NHEJ1: variants seen among roughly 807,000 people sequenced by gnomAD.
The protein encoded by NHEJ1 is non-homologous end joining factor 1, also known as non-homologous end-joining factor 1.
A neutral mutation model predicts 39.4 loss-of-function variants in NHEJ1; 22 were observed. The ratio of observed to expected loss-of-function variants is 0.56; its 90% CI spans 0.40 to 0.80. NHEJ1 has a LOEUF of 0.80. Among genes scored for constraint, NHEJ1 ranks in the 30% least tolerant of loss-of-function variants. The pLI is 0.00. For missense variants in NHEJ1, 329 were observed against 357.1 expected (o/e 0.92, Z 0.63); for synonymous variants, 154 against 135.6 (o/e 1.14, Z -0.94).
At chr2:219,144,925 C>A (rs1302637186) in intron 5 of NHEJ1, among the ~76,000 whole-genome samples, 1 of 152,064 alleles carries the variant, frequency 6.6e-6, no homozygotes, top group Non-Finnish European at 1.5e-5. Context: ...AACTTGAAAC[C>A]TTTTCTAGGC....
intron 5 of NHEJ1, among the ~76,000 whole-genome samples, chr2:219,096,581 A>G (rs1004747047): frequency 2.0e-5 from 3 of 152,222 alleles, no homozygotes; most frequent in Admixed American, 6.5e-5. Context: ...AGGATTGGGA[A>G]TGTAGGGATG....
chr2:219,088,711 TG>T (rs933639151), intron 5 of NHEJ1, among the ~76,000 whole-genome samples: 7 of 152,198 alleles, frequency 4.6e-5, no homozygotes, highest in African/African-American at 1.7e-4. Context: ...GCTCTTGATT[TG>T]GGTGCTGGTT....
chr2:219,147,703 G>C lies in NHEJ1; in HGVS notation c.483C>G (p.Asp161Glu). 1 of 1,614,174 alleles carries C rather than the reference G, an allele frequency of 6.2e-7. No homozygotes were observed. Among genetic ancestry groups the C allele is most frequent in the East Asian group, 2.2e-5 (1 of 44,886 alleles). ...TCTCCTGGTAGTCTTGGATCTCTAG[G>C]TCTTTCATATGAAGTAACGTTGCTA... Reference protein sequence around the residue: ...RELATLLHMKDLEIQDYQESG... With the variant: ...RELATLLHMKELEIQDYQESG... The change falls in exon 4 of 8, where the codon GAC becomes GAG. Residue 161 changes from aspartate (D) to glutamate (E), a missense_variant. Coordinates refer to ENST00000356853, the MANE Select transcript of NHEJ1 (RefSeq NM_024782.3).
intron 5 of NHEJ1, among the ~76,000 whole-genome samples, chr2:219,129,827 C>T (rs1190709533): frequency 6.6e-6 from 1 of 152,242 alleles, no homozygotes; most frequent in East Asian, 1.9e-4. Context: ...CCACCTTCAC[C>T]CGTTCGACAG....
chr2:219,120,044 T>C (rs933329942), intron 5 of NHEJ1, among the ~76,000 whole-genome samples: 1 of 152,198 alleles, frequency 6.6e-6, no homozygotes, highest in African/African-American at 2.4e-5. Context: ...CGAGAGGACA[T>C]GATCTAGTGT....
At chr2:219,089,685 C>T (rs1949144194) in intron 5 of NHEJ1, among the ~76,000 whole-genome samples, 1 of 152,180 alleles carries the variant, frequency 6.6e-6, no homozygotes, top group Admixed American at 6.5e-5. Context: ...CTTGTGAATA[C>T]ACTAAAACCA....
At chr2:219,148,381 C>T (rs1949762554) in intron 3 of NHEJ1, among the ~76,000 whole-genome samples, 1 of 152,008 alleles carries the variant, frequency 6.6e-6, no homozygotes, top group Non-Finnish European at 1.5e-5. Context: ...AGTGAGACCC[C>T]ATCTCTACCA....
intron 3 of NHEJ1, among the ~76,000 whole-genome samples, chr2:219,153,279 G>A (rs898806021): frequency 7.9e-5 from 12 of 152,156 alleles, no homozygotes; most frequent in African/African-American, 2.9e-4. Flanking sequence ...TAAAAATTCA[G>A]TACTTATCCA....
chr2:219,142,077 A>G (rs1949696849), intron 5 of NHEJ1, among the ~76,000 whole-genome samples: 1 of 152,206 alleles, frequency 6.6e-6, no homozygotes, highest in Non-Finnish European at 1.5e-5. Flanking sequence ...AGAATATAAC[A>G]ACCATGGCTG....
At chr2:219,135,622 T>A (rs1255636604) in intron 5 of NHEJ1, among the ~76,000 whole-genome samples, 1 of 151,952 alleles carries the variant, frequency 6.6e-6, no homozygotes, top group Non-Finnish European at 1.5e-5. Context: ...AGTAAAGAAG[T>A]AAGACATCAA....
At chr2:219,080,303 G>A (rs944163573) in intron 5 of NHEJ1, among the ~76,000 whole-genome samples, 2 of 152,054 alleles carry the variant, frequency 1.3e-5, no homozygotes, top group Non-Finnish European at 2.9e-5. Flanking sequence ...TTGGGAGGCC[G>A]AGGCGGGCGG....
At chr2:219,133,344 T>C (rs1001406892) in intron 5 of NHEJ1, among the ~76,000 whole-genome samples, 7 of 152,250 alleles carry the variant, frequency 4.6e-5, no homozygotes, top group Admixed American at 2.0e-4. Flanking sequence ...GATACTTTCT[T>C]TTCTCCTAAT....
At position 219,157,562 on chromosome 2, in the gene NHEJ1, C is replaced by T; in HGVS notation, c.300G>A (p.Val100=). 7 of 1,614,196 alleles carry T rather than the reference C, an allele frequency of 4.3e-6. No homozygotes were observed. Among genetic ancestry groups the T allele is most frequent in the South Asian group, 1.1e-5 (1 of 91,086 alleles). Residue 100 remains valine, a synonymous_variant, in exon 3 of 8, where the codon GTG becomes GTA. Transcript: ENST00000356853. ...GCACCCGTAGAATCAGTGCATCTGC[C>T]ACACAATCACAGGAGAAGGTAGCTT... ...PSEATFSCDC[V]ADALILRVRS...
At chr2:219,133,996 G>C (rs910032460) in intron 5 of NHEJ1, among the ~76,000 whole-genome samples, 1 of 151,926 alleles carries the variant, frequency 6.6e-6, no homozygotes, top group Non-Finnish European at 1.5e-5. Flanking sequence ...ATCTTATTTC[G>C]TTTAAACTAC....
chr2:219,101,202 C>G (rs1230121055), intron 5 of NHEJ1, among the ~76,000 whole-genome samples: 1 of 152,112 alleles, frequency 6.6e-6, no homozygotes, highest in Non-Finnish European at 1.5e-5. Flanking sequence ...GCAACCTCTG[C>G]CTCCCGGGTT....
intron 5 of NHEJ1, among the ~76,000 whole-genome samples, chr2:219,088,500 G>GA (rs879314342): frequency 2.5e-3 from 337 of 132,340 alleles, no homozygotes; most frequent in Non-Finnish European, 3.4e-3. Flanking sequence ...CTCAAGAAAA[G>GA]AAAAAAAAAA....
At chr2:219,155,941 AT>A (rs1485495049) in intron 3 of NHEJ1, among the ~76,000 whole-genome samples, 1 of 149,088 alleles carries the variant, frequency 6.7e-6, no homozygotes. Context: ...ACAAAAAAAA[AT>A]AAAATTAAAA....
intron 5 of NHEJ1, among the ~76,000 whole-genome samples, chr2:219,136,831 G>T (rs546730913): frequency 6.6e-6 from 1 of 152,034 alleles, no homozygotes; most frequent in African/African-American, 2.4e-5. Context: ...TCAAACTCCC[G>T]ACCTCAACTG....
intron 7 of NHEJ1, among the ~76,000 whole-genome samples, chr2:219,076,996 G>A (rs536925618): frequency 5.3e-5 from 8 of 152,322 alleles, no homozygotes; most frequent in African/African-American, 1.9e-4. Context: ...GGCCATCACC[G>A]GAAGTGGGAT....
Sources: gnomAD v4.1 joint callset for allele counts (sites outside exome capture counted in the v4.1 genomes callset) on GRCh38, gnomAD v4.1.1 for gene constraint, MANE v1.5 for transcripts, NCBI Gene and HGNC (gene_info 2026-07-23, HGNC 2026-07-21) for gene names.